The following SEC23B variants were observed in gnomAD, a reference collection of about 807,000 sequenced individuals.
SEC23B encodes SEC23 homolog B, COPII component, also known as protein transport protein Sec23B.
In SEC23B, 77 loss-of-function variants were observed where a neutral mutation model predicts 104.3. That is an observed-to-expected ratio of 0.74 (90% CI 0.61 to 0.89). SEC23B has a LOEUF of 0.89. Ranked by LOEUF, SEC23B falls within the 40% of genes least tolerant of loss-of-function variation. The pLI is 0.00. For synonymous variants in SEC23B, 338 were observed against 332.5 expected (o/e 1.02, Z -0.18); for missense variants, 885 against 949.4 (o/e 0.93, Z 0.89).
rs2060178955 is a variant in SEC23B at position 18,530,811 on chromosome 20, A to AG, written c.1233+8_1233+9insG. The AG allele has an allele frequency of 4.0e-6, 6 of 1,498,944 alleles. No individual in the cohort carries two copies. Among genetic ancestry groups the AG allele is most frequent in the Middle Eastern group, 1.8e-4 (1 of 5,618 alleles). 92.9% of individuals were successfully genotyped at this position (1,498,944 alleles called of 1,614,324 possible). On this transcript the variant is annotated intron_variant, in intron 10 of 19. Transcript: ENST00000650089. Reference sequence around the variant, plus strand: ...GCTACTTTGGACGTAAAGGTACGGTAAACTTTTTTTTTTTTTTATGTGGAC... The same window carrying AG: ...GCTACTTTGGACGTAAAGGTACGGTAGAACTTTTTTTTTTTTTTATGTGGAC...
intron 8 of SEC23B, among the ~76,000 whole-genome samples, chr20:18,527,198 C>T (rs887999786): frequency 7.9e-5 from 12 of 152,148 alleles, no homozygotes; most frequent in South Asian, 2.1e-4. Flanking sequence ...GCCTGGGTGA[C>T]GGAGTGAGAC....
At chr20:18,527,396 G>C in intron 8 of SEC23B, 100 bp from the exon 9 acceptor site, 1 of 803,298 alleles carries the variant, frequency 1.2e-6, no homozygotes, top group Non-Finnish European at 2.2e-6. Context: ...AAAAGAAAAT[G>C]ATTTACATGT....
chr20:18,556,359 C>G (rs1434415371), intron 19 of SEC23B, among the ~76,000 whole-genome samples: 1 of 152,138 alleles, frequency 6.6e-6, no homozygotes, highest in Non-Finnish European at 1.5e-5. Flanking sequence ...ATTTGGGGAT[C>G]CACAGGAGGT....
At chr20:18,542,434 AACTG>A (rs370798587) in intron 13 of SEC23B, 32 bp downstream of exon 13, 330 of 1,556,346 alleles carry the variant, frequency 2.1e-4, no homozygotes, top group Middle Eastern at 1.7e-3. Flanking sequence ...TCTGTTGAGG[AACTG>A]ACTGACATTT....
Position 18,561,165 on chromosome 20 carries a change from A to T in SEC23B, c.*425A>T. Reference sequence around the variant, plus strand: ...GTATGTGTTTTAAGTGACTTCCTTAAGAGGTGTTTCCTGAACCTAATTCTC... The same window carrying T: ...GTATGTGTTTTAAGTGACTTCCTTATGAGGTGTTTCCTGAACCTAATTCTC... On this transcript the variant is annotated 3_prime_UTR_variant, in exon 20 of 20. Coordinates refer to ENST00000650089, the MANE Select transcript of SEC23B (RefSeq NM_006363.6). 1.7e-5 allele frequency: 4 copies of T among 240,594 alleles called. No individual in the cohort carries two copies. The highest frequency in any genetic ancestry group is 3.3e-5 in the Non-Finnish European group (4 of 121,176). The allele number at this position is 240,594 out of a possible 1,614,324, so 14.9% of individuals were successfully genotyped here.
chr20:18,523,544 A>T (rs955134877), intron 4 of SEC23B, among the ~76,000 whole-genome samples: 4 of 151,374 alleles, frequency 2.6e-5, no homozygotes, highest in African/African-American at 9.7e-5. Context: ...CTGGGATTAC[A>T]GGTGAACCCC....
At chr20:18,535,142 T>A (rs1055020978) in intron 11 of SEC23B, among the ~76,000 whole-genome samples, 1 of 152,116 alleles carries the variant, frequency 6.6e-6, no homozygotes, top group Non-Finnish European at 1.5e-5. Context: ...ACTTGATTGA[T>A]TCTTTGTGGA....
intron 4 of SEC23B, among the ~76,000 whole-genome samples, chr20:18,524,061 T>C (rs1018162014): frequency 2.0e-5 from 3 of 152,154 alleles, no homozygotes; most frequent in Non-Finnish European, 2.9e-5. Flanking sequence ...AACAGTTGAC[T>C]CTGCCCTCTG....
At chr20:18,533,341 G>A (rs186861898) in intron 11 of SEC23B, among the ~76,000 whole-genome samples, 6 of 152,274 alleles carry the variant, frequency 3.9e-5, no homozygotes, top group South Asian at 2.1e-4. Context: ...CAAACCATTC[G>A]GTTTGGCAAG....
chr20:18,513,820 T>C (rs781747716), intron 3 of SEC23B, among the ~76,000 whole-genome samples: 3 of 152,242 alleles, frequency 2.0e-5, no homozygotes, highest in Non-Finnish European at 4.4e-5. Context: ...CAGGGTAGCA[T>C]AGTGGCTAAA....
intron 10 of SEC23B, among the ~76,000 whole-genome samples, chr20:18,531,607 A>T (rs1012219649): frequency 1.1e-4 from 17 of 148,878 alleles, no homozygotes; most frequent in Admixed American, 6.1e-4. Context: ...GGTGAGCCAA[A>T]ATCCTGCCAT....
At chr20:18,536,191 A>C (rs1014738762) in intron 12 of SEC23B, among the ~76,000 whole-genome samples, 27 of 152,240 alleles carry the variant, frequency 1.8e-4, no homozygotes, top group African/African-American at 6.3e-4. Context: ...TCAGTTCCAG[A>C]CTACCACAAT....
chr20:18,549,641 C>G (rs964187205), intron 16 of SEC23B, among the ~76,000 whole-genome samples: 3 of 151,840 alleles, frequency 2.0e-5, no homozygotes, highest in African/African-American at 7.3e-5. Flanking sequence ...AAATAAAGAA[C>G]TATATGGAAA....
chr20:18,513,892 G>T (rs182101762), intron 3 of SEC23B, among the ~76,000 whole-genome samples: 1 of 152,312 alleles, frequency 6.6e-6, no homozygotes, highest in African/African-American at 2.4e-5. Flanking sequence ...CTTATTTCCT[G>T]TGTAACTTTG....
intron 13 of SEC23B, 117 bp downstream of exon 13, chr20:18,542,519 C>A: frequency 9.6e-7 from 1 of 1,038,932 alleles, no homozygotes; most frequent in Non-Finnish European, 1.5e-6. Flanking sequence ...CTCACCAGAC[C>A]TCATTAGCTT....
chr20:18,526,340 A>G, intron 7 of SEC23B, 33 bp from the exon 8 acceptor site: 2 of 1,612,298 alleles, frequency 1.2e-6, no homozygotes, highest in Non-Finnish European at 1.7e-6. Context: ...GTGAGGCTGT[A>G]TACTTCTAAC....
intron 16 of SEC23B, 78 bp downstream of exon 16, chr20:18,548,848 A>G: frequency 1.4e-6 from 2 of 1,448,778 alleles, no homozygotes; most frequent in South Asian, 1.2e-5. Flanking sequence ...TTTACTTAGC[A>G]GAACTGTAAA....
chr20:18,527,221 TAAATAA>T (rs1307368090), intron 8 of SEC23B, among the ~76,000 whole-genome samples: 1 of 151,664 alleles, frequency 6.6e-6, no homozygotes, highest in Non-Finnish European at 1.5e-5. Context: ...TCTCAAAAAG[TAAATAA>T]AAATAAAAAT....
chr20:18,534,848 T>C lies in SEC23B; in HGVS notation c.1315-805T>C, dbSNP rs112793228. Among the ~76,000 whole-genome samples the C allele has an allele frequency of 8.0e-3, 1,216 of 152,290 alleles. 8 individuals carry two copies. Among genetic ancestry groups the C allele is most frequent in the Middle Eastern group, 0.014 (4 of 294 alleles). On this transcript the variant is annotated intron_variant, in intron 11 of 19. Transcript: ENST00000650089. ...ATATTTTGGAGCTCTAGAGGAGCCGTCCTGGGTCTGGTGCTTAGAATGGGG... is the reference window on the plus strand; with the variant it reads ...ATATTTTGGAGCTCTAGAGGAGCCGCCCTGGGTCTGGTGCTTAGAATGGGG...
Sources: gnomAD v4.1 joint callset for allele counts (sites outside exome capture counted in the v4.1 genomes callset) on GRCh38, gnomAD v4.1.1 for gene constraint, MANE v1.5 for transcripts, NCBI Gene and HGNC (gene_info 2026-07-23, HGNC 2026-07-21) for gene names.